The following CCDC144A variants were observed in gnomAD, a reference collection of about 807,000 sequenced individuals.
CCDC144A encodes coiled-coil domain-containing protein 144A.
Under a neutral mutation model 143.8 loss-of-function variants are expected in CCDC144A, and 41 were observed. The ratio of observed to expected loss-of-function variants is 0.29; its 90% CI spans 0.22 to 0.37. CCDC144A has a LOEUF of 0.37. Ranked by LOEUF, CCDC144A falls within the 10% of genes least tolerant of loss-of-function variation. The pLI, the probability that CCDC144A is intolerant of heterozygous loss-of-function variation, is 1.00. For synonymous variants in CCDC144A, 242 were observed against 517.9 expected, an observed-to-expected ratio of 0.47 and a Z score of 7.23; for missense variants, 637 against 1,488.8, an observed-to-expected ratio of 0.43 and a Z score of 9.41.
chr17:16,714,547 T>A (rs1007956844), intron 6 of CCDC144A, among the ~76,000 whole-genome samples: 9 of 152,152 alleles, frequency 5.9e-5, no homozygotes, highest in African/African-American at 1.9e-4. Flanking sequence ...TTGTCAGGAG[T>A]ACCTGAAGAA....
Position 16,765,151 on chromosome 17 carries a change from GAAA to G in CCDC144A, c.4098+984_4098+986del, listed in dbSNP as rs1378539071. ...CTGTATCAACTATAGAGTTGGTAAG[GAAA>G]AAAAAAACAAAACGTAGTTCAACTA... On this transcript the variant is annotated intron_variant, in intron 15 of 16. Coordinates refer to ENST00000399273, the MANE Select transcript of CCDC144A (RefSeq NM_001382000.1). 8.2e-5 allele frequency: 9 copies of G among 109,978 alleles called. No individual in the cohort carries two copies. The South Asian group carries it at 3.1e-3, about 37-fold the overall frequency. 6.8% of individuals were successfully genotyped at this position (109,978 alleles called of 1,614,324 possible).
chr17:16,758,852 G>A (rs1354637773), intron 12 of CCDC144A, among the ~76,000 whole-genome samples: 1 of 151,922 alleles, frequency 6.6e-6, no homozygotes, highest in Non-Finnish European at 1.5e-5. Flanking sequence ...AGAGTCTCTT[G>A]TGAATTTTAC....
In CCDC144A at chr17:16,757,620, T is replaced by A. The variant is rs143586349; in HGVS notation, c.3373-3805T>A. On this transcript the variant is annotated intron_variant, in intron 12 of 16. Transcript: ENST00000399273. ...ATATGGCTCACATGGGCGCCACCCC[T>A]GGTGGGCTTGACAGGCTTGTTCTCA... is the stretch of plus-strand genomic sequence containing the variant. 1.6e-4 allele frequency among the ~76,000 whole-genome samples: 24 copies of A among 152,324 alleles called. No homozygotes were observed. In the East Asian group the frequency reaches 4.6e-3, roughly 29 times the overall value.
At chr17:16,721,046 C>T (rs956623962) in intron 8 of CCDC144A, among the ~76,000 whole-genome samples, 11 of 152,308 alleles carry the variant, frequency 7.2e-5, no homozygotes, top group African/African-American at 2.4e-4. Context: ...GATCATGTTA[C>T]TCCTTTGCTT....
At chr17:16,717,132 C>G (rs370633491) in intron 6 of CCDC144A, among the ~76,000 whole-genome samples, 1 of 85,724 alleles carries the variant, frequency 1.2e-5, no homozygotes, top group African/African-American at 4.4e-5. Flanking sequence ...TTTCTTTTTT[C>G]TTTGTGACAG....
the CCDC144A span, chr17:16,684,070 G>C: frequency 2.2e-6 from 2 of 907,464 alleles, no homozygotes; most frequent in East Asian, 4.8e-5. Context: ...TCAATAAACT[G>C]GTTCTGTATA....
Position 16,774,552 on chromosome 17 carries a change from T to TCC in CCDC144A, c.*921_*922dup. Reference sequence around the variant, plus strand: ...GAGTAAAGTCCAATAATACAGAATGTCCCTCCATTGGATTTCTCTGAACTT... The same window carrying TCC: ...GAGTAAAGTCCAATAATACAGAATGTCCCCCTCCATTGGATTTCTCTGAACTT... On this transcript the variant is annotated 3_prime_UTR_variant, in exon 17 of 17. Coordinates refer to ENST00000399273, the MANE Select transcript of CCDC144A (RefSeq NM_001382000.1). 1 of 138,976 alleles carries TCC rather than the reference T, an allele frequency of 7.2e-6. No individual in the cohort carries two copies. The highest frequency in any genetic ancestry group is 2.6e-4 in the South Asian group (1 of 3,896). The allele number at this position is 138,976 out of a possible 1,614,324, so 8.6% of individuals were successfully genotyped here. A position where few individuals can be genotyped will look rare whatever the true frequency, so the allele number is the denominator to read the frequency against.
intron 6 of CCDC144A, among the ~76,000 whole-genome samples, chr17:16,718,436 C>T (rs1394555235): frequency 1.3e-5 from 2 of 152,102 alleles, no homozygotes; most frequent in Admixed American, 6.5e-5. Context: ...TTTGAAAGCT[C>T]GATTCATTAT....
chr17:16,765,496 A>T (rs1179948108), intron 15 of CCDC144A: 6 of 149,914 alleles, frequency 4.0e-5, no homozygotes, highest in Admixed American at 1.3e-4. Context: ...TGTTTTTAAA[A>T]TTTTCAATCG....
At position 16,777,811 on chromosome 17, in the gene CCDC144A, A is replaced by G. The variant is rs1916050812; in HGVS notation, c.*4178A>G. 7.0e-6 allele frequency: 1 copy of G among 142,724 alleles called. No individual in the cohort carries two copies. The highest frequency in any genetic ancestry group is 1.5e-5 in the Non-Finnish European group (1 of 67,068). The allele number at this position is 142,724 out of a possible 1,614,324, so 8.8% of individuals were successfully genotyped here. ...AGGTCACACCTCACAGAATTGGAGA[A>G]ACTAGAACAGTCCAAATCCAAACCC... On this transcript the variant is annotated 3_prime_UTR_variant, in exon 17 of 17. Transcript: ENST00000399273.
intron 2 of CCDC144A, among the ~76,000 whole-genome samples, chr17:16,699,528 A>G (rs1431779325): frequency 3.4e-4 from 8 of 23,778 alleles, no homozygotes; most frequent in East Asian, 9.9e-4. Flanking sequence ...GGCGTGAGCC[A>G]CCGCGCCCGG....
Position 16,752,216 on chromosome 17 carries a change from C to T in CCDC144A, c.3373-9209C>T, listed in dbSNP as rs140784002. ...ATTAGATTCTCATAGGAGCGCGAGC[C>T]GTGTTGTGAACTGTGCACGTGAGGG... is the stretch of plus-strand genomic sequence containing the variant. On this transcript the variant is annotated intron_variant, in intron 12 of 16. Coordinates refer to ENST00000399273, the MANE Select transcript of CCDC144A (RefSeq NM_001382000.1). Among the ~76,000 whole-genome samples the T allele has an allele frequency of 3.0e-3, 455 of 152,270 alleles. 3 individuals are homozygous for T. Among genetic ancestry groups the T allele is most frequent in the African/African-American group, 0.01 (425 of 41,544 alleles).
At chr17:16,771,084 A>G (rs1248327620) in intron 15 of CCDC144A, among the ~76,000 whole-genome samples, 2 of 152,222 alleles carry the variant, frequency 1.3e-5, no homozygotes, top group Non-Finnish European at 2.9e-5. Context: ...CGTTCTAGGC[A>G]TTTAGTGAGA....
intron 12 of CCDC144A, among the ~76,000 whole-genome samples, chr17:16,736,634 T>C (rs529229683): frequency 3.3e-5 from 5 of 152,116 alleles, no homozygotes; most frequent in Non-Finnish European, 7.4e-5. Context: ...TGTTTGGCAC[T>C]GAGTCCCATT....
Position 16,707,562 on chromosome 17 carries a change from A to G in CCDC144A, c.738+20A>G. On this transcript the variant is annotated intron_variant, in intron 4 of 16. Transcript: ENST00000399273. ...CCACAGGTGTGGAAACATTTAAACT[A>G]AAATCTAAATTTCTGGTTTAATACT... 6.6e-7 allele frequency: 1 copy of G among 1,514,970 alleles called. No individual in the cohort carries two copies. Among genetic ancestry groups the G allele is most frequent in the Non-Finnish European group, 9.0e-7 (1 of 1,106,986 alleles). The allele number at this position is 1,514,970 out of a possible 1,614,324, so 93.8% of individuals were successfully genotyped here. A position where few individuals can be genotyped will look rare whatever the true frequency, so the allele number is the denominator to read the frequency against.
At chr17:16,722,596 A>G (rs1390116684) in intron 8 of CCDC144A, among the ~76,000 whole-genome samples, 1 of 152,184 alleles carries the variant, frequency 6.6e-6, no homozygotes, top group Middle Eastern at 3.2e-3. Flanking sequence ...ACAAAAGTAT[A>G]AGGACATGTA....
intron 9 of CCDC144A, 156 bp from the exon 10 acceptor site, chr17:16,731,644 G>T (rs1218557755): frequency 7.5e-6 from 1 of 134,102 alleles, no homozygotes; most frequent in African/African-American, 3.0e-5. Context: ...GGAAGAGATC[G>T]AAGTGAGAAA....
the CCDC144A span, among the ~76,000 whole-genome samples, chr17:16,672,869 T>C: frequency 3.9e-5 from 6 of 152,066 alleles, no homozygotes; most frequent in African/African-American, 1.4e-4. Context: ...CCTTTAAAAT[T>C]TAGAAGGCCT....
At position 16,708,862 on chromosome 17, in the gene CCDC144A, C is replaced by T. The variant is rs777345937; in HGVS notation, c.805C>T (p.Leu269Phe). Residue 269 changes from leucine (L) to phenylalanine (F), a missense_variant, in exon 5 of 17, where the codon CTT (leucine) becomes TTT (phenylalanine). Leu to Phe is a conservative substitution (Grantham distance 22, BLOSUM62 0). Transcript: ENST00000399273. ...AGAGGATATACCTATATATCCAGTA[C>T]TTCCTCATGTGCAAAAATCTGAGGA... Reference protein sequence around the residue: ...DREDIPIYPVLPHVQKSEEMW... With the variant: ...DREDIPIYPVFPHVQKSEEMW... The T allele has an allele frequency of 1.2e-6, 2 of 1,611,846 alleles. No homozygotes were observed. The highest frequency in any genetic ancestry group is 1.1e-5 in the South Asian group (1 of 90,978).
Sources: allele counts gnomAD v4.1 joint callset (sites outside exome capture counted in the v4.1 genomes callset), GRCh38; gene constraint gnomAD v4.1.1; transcripts MANE v1.5; gene names NCBI Gene and HGNC (gene_info 2026-07-23, HGNC 2026-07-21).